The following PCSK2 variants were observed in gnomAD, a reference collection of about 807,000 sequenced individuals.
PCSK2 encodes the protein proprotein convertase subtilisin/kexin type 2.
PCSK2 carries 14 observed loss-of-function variants against 69.7 expected under a neutral mutation model. That is an observed-to-expected ratio of 0.20 (90% CI 0.13 to 0.31). The LOEUF is 0.31. Ranked by LOEUF, PCSK2 falls within the 10% of genes least tolerant of loss-of-function variation. PCSK2 has a pLI of 1.00. For synonymous variants in PCSK2, 307 were observed against 320.7 expected (o/e 0.96, Z 0.46); for missense variants, 544 against 842.5 (o/e 0.65, Z 4.39).
At chr20:17,388,533 C>T (rs1294655882) in intron 5 of PCSK2, among the ~76,000 whole-genome samples, 1 of 152,112 alleles carries the variant, frequency 6.6e-6, no homozygotes, top group African/African-American at 2.4e-5. Flanking sequence ...GGACACCTAA[C>T]ATAAGATGAT....
At chr20:17,407,144 A>G (rs911256114) in intron 5 of PCSK2, among the ~76,000 whole-genome samples, 7 of 152,146 alleles carry the variant, frequency 4.6e-5, no homozygotes, top group African/African-American at 1.4e-4. Context: ...CCAAGCCTGT[A>G]GCTCAGATGC....
At chr20:17,445,645 C>T (rs889785886) in intron 8 of PCSK2, among the ~76,000 whole-genome samples, 9 of 152,236 alleles carry the variant, frequency 5.9e-5, no homozygotes, top group Non-Finnish European at 1.3e-4. Flanking sequence ...CACAGTGCCT[C>T]CTGCTGAAAT....
chr20:17,448,290 C>T (rs1252576721), intron 8 of PCSK2, among the ~76,000 whole-genome samples: 2 of 152,196 alleles, frequency 1.3e-5, no homozygotes, highest in African/African-American at 2.4e-5. Flanking sequence ...GACTGACTCA[C>T]TTTAGCCACA....
intron 2 of PCSK2, among the ~76,000 whole-genome samples, chr20:17,336,046 G>A (rs1428553589): frequency 6.6e-6 from 1 of 152,130 alleles, no homozygotes; most frequent in Non-Finnish European, 1.5e-5. Context: ...TCAAAGAGAG[G>A]AACACAGGTT....
chr20:17,454,205 G>T lies in PCSK2; in HGVS notation c.1101+248G>T, dbSNP rs139027674. Among the ~76,000 whole-genome samples, 382 of 152,238 alleles carry T rather than the reference G, an allele frequency of 2.5e-3. 2 individuals carry two copies. The highest frequency in any genetic ancestry group is 8.8e-3 in the African/African-American group (367 of 41,540). On this transcript the variant is annotated intron_variant, in intron 9 of 11. Coordinates refer to ENST00000262545, the MANE Select transcript of PCSK2 (RefSeq NM_002594.5). ...TGGATCGTTTTCCATAGATTTTCTT[G>T]TTTATTGTTTCTGGCTTACAAGTAA... is the stretch of plus-strand genomic sequence containing the variant.
rs1568612065 is a variant in PCSK2, at chr20:17,347,840, GAAA to G, written c.283-10486_283-10484del. 8.0e-3 allele frequency among the ~76,000 whole-genome samples: 998 copies of G among 124,050 alleles called. 43 individuals carry two copies. Among genetic ancestry groups the G allele is most frequent in the East Asian group, 0.025 (112 of 4,442 alleles). The allele number at this position is 124,050 out of a possible 152,430, so 81.4% of individuals were successfully genotyped here. A position where few individuals can be genotyped will look rare whatever the true frequency, so the allele number is the denominator to read the frequency against. On this transcript the variant is annotated intron_variant, in intron 2 of 11. Transcript: ENST00000262545. ...AGAAAGAAAGAAAGAAAGAAAGAAA[GAAA>G]GAAAGAAAGAAAGAAAGAGGAGAGA...
At chr20:17,322,852 CT>C (rs1989916069) in intron 2 of PCSK2, among the ~76,000 whole-genome samples, 1 of 151,952 alleles carries the variant, frequency 6.6e-6, no homozygotes, top group Non-Finnish European at 1.5e-5. Context: ...GGCCCCAGTT[CT>C]TTTTTGTTTT....
chr20:17,235,268 G>T (rs899440311), intron 1 of PCSK2, among the ~76,000 whole-genome samples: 3 of 152,142 alleles, frequency 2.0e-5, no homozygotes, highest in African/African-American at 7.2e-5. Context: ...TTAATTTCCT[G>T]ACATAAAGTA....
chr20:17,226,894 A>G (rs1464431875), upstream of PCSK2: 2 of 148,334 alleles, frequency 1.3e-5, no homozygotes, highest in Non-Finnish European at 3.0e-5. Context: ...GGGGCGGCCC[A>G]GGGCGGGGCC....
chr20:17,260,206 C>T (rs747648951), intron 1 of PCSK2, 34 bp from the exon 2 acceptor site: 13 of 1,402,820 alleles, frequency 9.3e-6, no homozygotes, highest in Non-Finnish European at 1.3e-5. Flanking sequence ...ACCCCAGAAG[C>T]TAACTATGCC....
chr20:17,281,877 C>T (rs1988327986), intron 2 of PCSK2, among the ~76,000 whole-genome samples: 1 of 152,164 alleles, frequency 6.6e-6, no homozygotes, highest in Non-Finnish European at 1.5e-5. Context: ...AAGATTCTCT[C>T]TGGGAATTGC....
chr20:17,332,368 G>A (rs997283522), intron 2 of PCSK2, among the ~76,000 whole-genome samples: 2 of 152,116 alleles, frequency 1.3e-5, no homozygotes, highest in Non-Finnish European at 2.9e-5. Context: ...GAGTGTCTTG[G>A]TGGAAATGGG....
chr20:17,317,969 G>T (rs1989741241), intron 2 of PCSK2, among the ~76,000 whole-genome samples: 1 of 152,196 alleles, frequency 6.6e-6, no homozygotes, highest in African/African-American at 2.4e-5. Flanking sequence ...TAGAAAAAAG[G>T]TTTGCCTGAT....
At chr20:17,270,110 T>G (rs1987802472) in intron 2 of PCSK2, among the ~76,000 whole-genome samples, 1 of 152,142 alleles carries the variant, frequency 6.6e-6, no homozygotes, top group African/African-American at 2.4e-5. Context: ...TGAACAGTTA[T>G]AATCGTATGT....
intron 2 of PCSK2, among the ~76,000 whole-genome samples, chr20:17,321,072 A>G (rs137967503): frequency 3.9e-4 from 60 of 152,298 alleles, no homozygotes; most frequent in Non-Finnish European, 7.5e-4. Context: ...ATGCCAACCA[A>G]TAATGTCTCA....
chr20:17,300,107 C>A (rs887337586), intron 2 of PCSK2, among the ~76,000 whole-genome samples: 1 of 152,200 alleles, frequency 6.6e-6, no homozygotes, highest in Non-Finnish European at 1.5e-5. Flanking sequence ...TTCACCTGTT[C>A]AGAGACCCAG....
intron 8 of PCSK2, among the ~76,000 whole-genome samples, chr20:17,437,212 C>T (rs1600579345): frequency 6.6e-6 from 1 of 152,368 alleles, no homozygotes; most frequent in East Asian, 1.9e-4. Context: ...CCTGCACTGG[C>T]ACCCCCACCA....
chr20:17,357,713 G>A (rs1277006080), intron 2 of PCSK2, among the ~76,000 whole-genome samples: 4 of 151,964 alleles, frequency 2.6e-5, no homozygotes, highest in African/African-American at 9.7e-5. Flanking sequence ...TGACCAACAT[G>A]GAGAAGCCCT....
intron 7 of PCSK2, among the ~76,000 whole-genome samples, chr20:17,433,541 C>A (rs926473055): frequency 2.0e-5 from 3 of 152,222 alleles, no homozygotes; most frequent in Non-Finnish European, 4.4e-5. Context: ...CAGCTCAAAT[C>A]CCCTGGACAT....
Sources: allele counts gnomAD v4.1 joint callset (sites outside exome capture counted in the v4.1 genomes callset), GRCh38; gene constraint gnomAD v4.1.1; transcripts MANE v1.5; gene names NCBI Gene and HGNC (gene_info 2026-07-23, HGNC 2026-07-21).